The following SPATA6 variants were observed in gnomAD, a reference collection of about 807,000 sequenced individuals.
SPATA6 encodes the protein spermatogenesis-associated protein 6.
A neutral mutation model predicts 65.3 loss-of-function variants in SPATA6; 56 were observed. The observed-to-expected ratio is 0.86, with a 90% CI of 0.69 to 1.07. SPATA6 has a LOEUF of 1.07. Ranked by LOEUF, SPATA6 falls within the 50% of genes least tolerant of loss-of-function variation. The pLI is 0.00. For missense variants in SPATA6, 590 were observed against 594.8 expected, an observed-to-expected ratio of 0.99 and a Z score of 0.08; for synonymous variants, 199 against 213.2, an observed-to-expected ratio of 0.93 and a Z score of 0.58.
At chr1:48,267,017 A>G in the SPATA6 span, among the ~76,000 whole-genome samples, 1 of 152,138 alleles carries the variant, frequency 6.6e-6, no homozygotes, top group African/African-American at 2.4e-5. Flanking sequence ...AGCTATGCTA[A>G]GTAATTATTT....
intron 11 of SPATA6, among the ~76,000 whole-genome samples, chr1:48,309,271 C>T (rs1645140274): frequency 6.6e-6 from 1 of 152,002 alleles, no homozygotes. Context: ...CCCACAAATC[C>T]TTATGTGTTC....
At chr1:48,463,308 A>G (rs1002594087) in intron 1 of SPATA6, among the ~76,000 whole-genome samples, 1 of 152,148 alleles carries the variant, frequency 6.6e-6, no homozygotes, top group Non-Finnish European at 1.5e-5. Flanking sequence ...ACCACAATAA[A>G]AGATAATATA....
At chr1:48,381,746 G>T (rs1188723259) in intron 9 of SPATA6, among the ~76,000 whole-genome samples, 4 of 143,226 alleles carry the variant, frequency 2.8e-5, no homozygotes, top group African/African-American at 1.1e-4. Flanking sequence ...GTTTCTCGCA[G>T]AGGGGGATTT....
chr1:48,345,823 T>C (rs532958378), intron 11 of SPATA6, among the ~76,000 whole-genome samples: 1 of 152,050 alleles, frequency 6.6e-6, no homozygotes, highest in South Asian at 2.1e-4. Context: ...ACCAATGACA[T>C]GTTCTGAAAT....
At chr1:48,427,434 C>CAAAAAA (rs760835892) in intron 3 of SPATA6, among the ~76,000 whole-genome samples, 23 of 67,550 alleles carry the variant, frequency 3.4e-4, no homozygotes, top group Non-Finnish European at 4.6e-4. Flanking sequence ...AAAATTGAGG[C>CAAAAAA]AAAAAAAAAA....
At position 48,453,805 on chromosome 1, in the gene SPATA6, T is replaced by C. The variant is rs575508314; in HGVS notation, c.52-674A>G. Among the ~76,000 whole-genome samples the C allele has an allele frequency of 3.3e-5, 5 of 149,880 alleles. No homozygotes were observed. The South Asian group carries it at 8.4e-4, about 25-fold the overall frequency. On this transcript the variant is annotated intron_variant, in intron 1 of 12. Transcript: ENST00000371847. ...GCCTAGAACAGTCCACAGAATAGAG[T>C]AGGTTCTGGAGAAAAAGTAGAAAAG... is the stretch of plus-strand genomic sequence containing the variant.
At chr1:48,403,928 G>T in intron 5 of SPATA6, 46 bp from the exon 6 acceptor site, 1 of 1,329,130 alleles carries the variant, frequency 7.5e-7, no homozygotes, top group Non-Finnish European at 1.1e-6. Context: ...CATTTAAATA[G>T]AGATAATTAT....
chr1:48,272,637 T>C, the SPATA6 span, among the ~76,000 whole-genome samples: 1 of 152,210 alleles, frequency 6.6e-6, no homozygotes, highest in African/African-American at 2.4e-5. Context: ...AATACTGTAA[T>C]GAACATAGTA....
intron 1 of SPATA6, among the ~76,000 whole-genome samples, chr1:48,466,746 C>G (rs1657837909): frequency 6.6e-6 from 1 of 151,854 alleles, no homozygotes; most frequent in African/African-American, 2.4e-5. Context: ...TGTGGCTTAA[C>G]TGTGACTGAG....
intron 1 of SPATA6, among the ~76,000 whole-genome samples, chr1:48,464,765 G>C (rs1657689730): frequency 6.6e-6 from 1 of 152,170 alleles, no homozygotes. Flanking sequence ...GAGGAACAGG[G>C]GTAGGTGAAG....
intron 3 of SPATA6, among the ~76,000 whole-genome samples, chr1:48,434,170 G>T (rs1470043804): frequency 1.4e-5 from 2 of 147,368 alleles, no homozygotes; most frequent in Non-Finnish European, 3.0e-5. Flanking sequence ...GCAGTTATAT[G>T]AAGCATTTTA....
chr1:48,432,495 T>C (rs1423718637), intron 3 of SPATA6, among the ~76,000 whole-genome samples: 2 of 152,058 alleles, frequency 1.3e-5, no homozygotes, highest in Non-Finnish European at 2.9e-5. Flanking sequence ...CATTTCTCCA[T>C]AGAGGATACA....
chr1:48,462,305 G>A (rs752623754), intron 1 of SPATA6, among the ~76,000 whole-genome samples: 1 of 151,708 alleles, frequency 6.6e-6, no homozygotes, highest in African/African-American at 2.4e-5. Context: ...GTAACAAACC[G>A]GCCCATTGTG....
At chr1:48,349,809 T>C (rs190917666) in intron 11 of SPATA6, among the ~76,000 whole-genome samples, 19 of 152,038 alleles carry the variant, frequency 1.2e-4, no homozygotes, top group African/African-American at 4.6e-4. Context: ...CATTCTTTTT[T>C]ATTGTTGAGT....
chr1:48,279,991 C>G, the SPATA6 span, among the ~76,000 whole-genome samples: 1 of 152,154 alleles, frequency 6.6e-6, no homozygotes, highest in Non-Finnish European at 1.5e-5. Context: ...TCTCTCAGAC[C>G]ACAGTGCAAT....
At chr1:48,264,219 T>C in the SPATA6 span, among the ~76,000 whole-genome samples, 1 of 152,200 alleles carries the variant, frequency 6.6e-6, no homozygotes, top group Non-Finnish European at 1.5e-5. Flanking sequence ...AAACCCATTA[T>C]TTGAGTACCC....
intron 3 of SPATA6, among the ~76,000 whole-genome samples, chr1:48,432,195 T>TA (rs1163419947): frequency 3.3e-5 from 5 of 152,022 alleles, no homozygotes; most frequent in African/African-American, 1.2e-4. Flanking sequence ...ATAAAACTCC[T>TA]AAAAATATAT....
At chr1:48,445,552 C>T (rs1405848122) in intron 3 of SPATA6, among the ~76,000 whole-genome samples, 3 of 145,278 alleles carry the variant, frequency 2.1e-5, no homozygotes, top group African/African-American at 7.7e-5. Flanking sequence ...CCCAGCTACT[C>T]GGGAGGCTGA....
rs1440258899 is a variant in SPATA6, at chr1:48,297,484, G to T, written c.*1229C>A. ...TTAACAAGTTCTACTACAAAAATAA[G>T]TCAGCAAGTTTCACATTTTAATTTC... On this transcript the variant is annotated 3_prime_UTR_variant, in exon 13 of 13. Coordinates refer to ENST00000371847, the MANE Select transcript of SPATA6 (RefSeq NM_019073.4). 1 of 152,038 alleles carries T rather than the reference G, an allele frequency of 6.6e-6. No individual in the cohort carries two copies. The highest frequency in any genetic ancestry group is 1.5e-5 in the Non-Finnish European group (1 of 67,998). 9.4% of individuals were successfully genotyped at this position (152,038 alleles called of 1,614,324 possible). A position where few individuals can be genotyped will look rare whatever the true frequency, so the allele number is the denominator to read the frequency against.
Sources: allele counts gnomAD v4.1 joint callset (sites outside exome capture counted in the v4.1 genomes callset), GRCh38; gene constraint gnomAD v4.1.1; transcripts MANE v1.5; gene names NCBI Gene and HGNC (gene_info 2026-07-23, HGNC 2026-07-21).